Variants in DENND5B observed in about 807,000 individuals in gnomAD.
The protein encoded by DENND5B is DENN domain-containing protein 5B.
Under a neutral mutation model 140.6 loss-of-function variants are expected in DENND5B, and 34 were observed. That is an observed-to-expected ratio of 0.24 (90% CI 0.18 to 0.32). DENND5B has a LOEUF of 0.32. Ranked by LOEUF, DENND5B falls within the 10% of genes least tolerant of loss-of-function variation. The pLI, the probability that DENND5B is intolerant of heterozygous loss-of-function variation, is 1.00. For synonymous variants in DENND5B, 551 were observed against 562.1 expected, an observed-to-expected ratio of 0.98 and a Z score of 0.28; for missense variants, 1,142 against 1,560.2, an observed-to-expected ratio of 0.73 and a Z score of 4.52.
At chr12:31,519,006 CA>C (rs1947783381) in intron 1 of DENND5B, among the ~76,000 whole-genome samples, 1 of 152,146 alleles carries the variant, frequency 6.6e-6, no homozygotes, top group Non-Finnish European at 1.5e-5. Flanking sequence ...AAAGGGATGA[CA>C]AATGCAGCAG....
At chr12:31,392,793 C>T in intron 17 of DENND5B, 97 bp from the exon 18 acceptor site, 1 of 1,207,360 alleles carries the variant, frequency 8.3e-7, no homozygotes, top group Non-Finnish European at 1.1e-6. Context: ...GGAAATACGT[C>T]ATCAGAGCAG....
chr12:31,468,084 C>T (rs1945361068), intron 3 of DENND5B, among the ~76,000 whole-genome samples: 1 of 151,712 alleles, frequency 6.6e-6, no homozygotes, highest in African/African-American at 2.4e-5. Flanking sequence ...AGAGACCCCA[C>T]CTCTAAAAAA....
At chr12:31,451,692 C>T in intron 5 of DENND5B, 1 of 444,810 alleles carries the variant, frequency 2.2e-6, no homozygotes. Flanking sequence ...CAATTTAACG[C>T]ACAATTTAAT....
rs1950357172 is a variant in DENND5B at position 31,585,199 on chromosome 12, C to T, written c.127+5507G>A. On this transcript the variant is annotated intron_variant, in intron 1 of 20. Transcript: ENST00000389082. Reference sequence around the variant, plus strand: ...AACATGAGGTTTGGGGACAAAGAGCCAAACTAGCACACAGCAACCAGATCT... The same window carrying T: ...AACATGAGGTTTGGGGACAAAGAGCTAAACTAGCACACAGCAACCAGATCT... Among the ~76,000 whole-genome samples the T allele has an allele frequency of 2.0e-5, 3 of 152,248 alleles. No homozygotes were observed. The South Asian group carries it at 6.2e-4, about 32-fold the overall frequency.
Position 31,413,364 on chromosome 12 carries a change from G to C in DENND5B, c.2681+72C>G, listed in dbSNP as rs899925033. 7 of 1,542,278 alleles carry C rather than the reference G, an allele frequency of 4.5e-6. No homozygotes were observed. In the African/African-American group the frequency reaches 9.6e-5, roughly 21 times the overall value. ...CACTTCATACTGAAGAAGCCAGTTT[G>C]TCAGTTTATGCAACTTGTTTTGTAT... On this transcript the variant is annotated intron_variant, in intron 13 of 20. Transcript: ENST00000389082.
intron 3 of DENND5B, among the ~76,000 whole-genome samples, chr12:31,474,808 T>C (rs1212460644): frequency 6.6e-6 from 1 of 152,178 alleles, no homozygotes; most frequent in Non-Finnish European, 1.5e-5. Flanking sequence ...AACTGAAATA[T>C]TTTTCTCTAA....
chr12:31,529,467 C>G (rs769026218), intron 1 of DENND5B, among the ~76,000 whole-genome samples: 6 of 152,042 alleles, frequency 3.9e-5, no homozygotes, highest in African/African-American at 1.4e-4. Flanking sequence ...AAACTTAGAA[C>G]CAATATTCCA....
intron 5 of DENND5B, among the ~76,000 whole-genome samples, chr12:31,450,322 C>A (rs984406312): frequency 5.9e-5 from 9 of 151,952 alleles, no homozygotes; most frequent in African/African-American, 1.9e-4. Context: ...CATACAATAT[C>A]ATCCTCCAAC....
At chr12:31,429,823 C>T (rs554942653) in intron 8 of DENND5B, among the ~76,000 whole-genome samples, 4 of 152,198 alleles carry the variant, frequency 2.6e-5, no homozygotes, top group African/African-American at 9.6e-5. Context: ...TCTCCTGCCT[C>T]AGCCTCCCAA....
At chr12:31,583,736 T>C (rs982097779) in intron 1 of DENND5B, among the ~76,000 whole-genome samples, 3 of 152,080 alleles carry the variant, frequency 2.0e-5, no homozygotes, top group South Asian at 2.1e-4. Context: ...TTTAGCACAG[T>C]GTCTGGCATG....
chr12:31,510,579 C>G (rs1167973950), intron 1 of DENND5B, among the ~76,000 whole-genome samples: 3 of 152,226 alleles, frequency 2.0e-5, no homozygotes, highest in African/African-American at 7.2e-5. Flanking sequence ...TGTCAGCCAG[C>G]TGCCCTTAGC....
intron 1 of DENND5B, 128 bp downstream of exon 1, chr12:31,590,578 C>T: frequency 8.6e-7 from 1 of 1,166,830 alleles, no homozygotes; most frequent in Non-Finnish European, 1.1e-6. Flanking sequence ...CCAGTTCGGC[C>T]AGAAAGCGGC....
At chr12:31,543,921 C>A (rs544583995) in intron 1 of DENND5B, among the ~76,000 whole-genome samples, 1 of 152,304 alleles carries the variant, frequency 6.6e-6, no homozygotes, top group Admixed American at 6.5e-5. Context: ...GTAATTCCAG[C>A]ACTTTGGGAG....
At chr12:31,398,037 T>C in intron 17 of DENND5B, 138 bp downstream of exon 17, 1 of 868,538 alleles carries the variant, frequency 1.2e-6, no homozygotes, top group Non-Finnish European at 1.7e-6. Flanking sequence ...TTCCGGCTTT[T>C]GAATATTTAT....
chr12:31,540,038 CA>C (rs1948634019), intron 1 of DENND5B, among the ~76,000 whole-genome samples: 1 of 152,020 alleles, frequency 6.6e-6, no homozygotes, highest in African/African-American at 2.4e-5. Flanking sequence ...CTGCAGGATA[CA>C]AAATCAACCT....
At chr12:31,424,827 C>T in intron 9 of DENND5B, 140 bp from the exon 10 acceptor site, 1 of 1,126,150 alleles carries the variant, frequency 8.9e-7, no homozygotes, top group Non-Finnish European at 1.3e-6. Context: ...AAAAAAATCT[C>T]TTAATCTTGA....
At chr12:31,451,171 C>A (rs1015737338) in intron 5 of DENND5B, among the ~76,000 whole-genome samples, 2 of 152,034 alleles carry the variant, frequency 1.3e-5, no homozygotes, top group Non-Finnish European at 2.9e-5. Flanking sequence ...TAAATGATTT[C>A]TAGACTAAAT....
chr12:31,421,653 G>A (rs1282604191), intron 11 of DENND5B, among the ~76,000 whole-genome samples: 2 of 152,086 alleles, frequency 1.3e-5, no homozygotes, highest in Non-Finnish European at 1.5e-5. Flanking sequence ...AGGTTCAAGC[G>A]ATTCTCCTGA....
intron 1 of DENND5B, among the ~76,000 whole-genome samples, chr12:31,561,531 T>G (rs1234675874): frequency 6.6e-6 from 1 of 152,174 alleles, no homozygotes; most frequent in African/African-American, 2.4e-5. Context: ...GAAAAGGGGC[T>G]TACTTGAGAC....
Sources: allele counts gnomAD v4.1 joint callset (sites outside exome capture counted in the v4.1 genomes callset), GRCh38; gene constraint gnomAD v4.1.1; transcripts MANE v1.5; gene names NCBI Gene and HGNC (gene_info 2026-07-23, HGNC 2026-07-21).